LRRC8B: variants seen among roughly 807,000 people sequenced by gnomAD.
The protein encoded by LRRC8B is leucine rich repeat containing 8 VRAC subunit B.
In LRRC8B, 23 loss-of-function variants were observed where a neutral mutation model predicts 58.8. That is an observed-to-expected ratio of 0.39 (90% confidence interval 0.28 to 0.55). The LOEUF (loss-of-function observed/expected upper bound fraction) is 0.55, where lower values mean the gene tolerates loss of function less well. Ranked by LOEUF, LRRC8B falls within the 20% of genes least tolerant of loss-of-function variation. The probability of loss-of-function intolerance (pLI) is 0.62; values close to 1 mark genes in which losing one functional copy is unlikely to be tolerated. For missense variants in LRRC8B, 694 were observed against 936.0 expected (o/e 0.74, Z 3.37); for synonymous variants, 359 against 374.1 (o/e 0.96, Z 0.47).
At chr1:89,581,345 C>G (rs1361049798) in intron 4 of LRRC8B, among the ~76,000 whole-genome samples, 5 of 149,908 alleles carry the variant, frequency 3.3e-5, no homozygotes, top group Admixed American at 3.3e-4. Flanking sequence ...GAGAGTAACT[C>G]TGGCCCAGAA....
At chr1:89,551,309 T>C (rs193031480) in intron 1 of LRRC8B, among the ~76,000 whole-genome samples, 187 of 152,332 alleles carry the variant, frequency 1.2e-3, no homozygotes, top group Non-Finnish European at 2.1e-3. Context: ...GATCAAGCTC[T>C]TGCTCACCAG....
At chr1:89,534,986 C>T (rs1376005096) in intron 1 of LRRC8B, among the ~76,000 whole-genome samples, 1 of 151,870 alleles carries the variant, frequency 6.6e-6, no homozygotes, top group African/African-American at 2.4e-5. Flanking sequence ...CTGCTTGGGG[C>T]CTGGAGATTT....
intron 1 of LRRC8B, among the ~76,000 whole-genome samples, chr1:89,564,434 G>A (rs1652894872): frequency 6.6e-6 from 1 of 152,192 alleles, no homozygotes; most frequent in Non-Finnish European, 1.5e-5. Context: ...GCTCCTTGGA[G>A]AGGCTGTGTA....
At chr1:89,569,110 G>T (rs1653244234) in intron 3 of LRRC8B, among the ~76,000 whole-genome samples, 3 of 152,140 alleles carry the variant, frequency 2.0e-5, no homozygotes, top group South Asian at 2.1e-4. Flanking sequence ...ACTCTCTGAT[G>T]TTCTGAATAC....
intron 5 of LRRC8B, among the ~76,000 whole-genome samples, chr1:89,587,629 GT>G (rs1422240685): frequency 1.3e-5 from 2 of 152,216 alleles, no homozygotes; most frequent in African/African-American, 4.8e-5. Flanking sequence ...TGGAACGGCA[GT>G]TAATAAAGAT....
In LRRC8B at chr1:89,580,364, C is replaced by T. The variant is rs184022804; in HGVS notation, c.-27+676C>T. ...CTGCAGCTCCTTTATCTGGGTTTAC[C>T]TATTAATATGGCCAGATGTTATAAT... On this transcript the variant is annotated intron_variant, in intron 4 of 5. Coordinates refer to ENST00000330947, the MANE Select transcript of LRRC8B (RefSeq NM_001369817.2). Among the ~76,000 whole-genome samples the T allele has an allele frequency of 3.2e-4, 49 of 152,286 alleles. No individual in the cohort carries two copies. The East Asian group carries it at 8.3e-3, about 26-fold the overall frequency.
intron 3 of LRRC8B, among the ~76,000 whole-genome samples, chr1:89,575,484 G>A (rs1215990620): frequency 6.6e-6 from 1 of 152,140 alleles, no homozygotes; most frequent in Non-Finnish European, 1.5e-5. Flanking sequence ...CATCTGGAAG[G>A]TGTGCCAGCC....
chr1:89,538,265 G>C (rs192380267), intron 1 of LRRC8B, among the ~76,000 whole-genome samples: 1 of 152,274 alleles, frequency 6.6e-6, no homozygotes, highest in East Asian at 1.9e-4. Flanking sequence ...CTGGTGGCAG[G>C]AGAGAAAAAA....
chr1:89,546,441 C>T lies in LRRC8B; in HGVS notation c.-241+21419C>T, dbSNP rs575207378. On this transcript the variant is annotated intron_variant, in intron 1 of 5. Transcript: ENST00000330947. ...AGAGGACTTTTTGCGAACCAAGTTT[C>T]AATGGTGGGATATATCAAGCACGGA... Among the ~76,000 whole-genome samples the T allele has an allele frequency of 5.3e-5, 8 of 152,268 alleles. No individual in the cohort carries two copies. The East Asian group carries it at 1.5e-3, about 29-fold the overall frequency.
chr1:89,577,450 C>T (rs891011101), intron 3 of LRRC8B, among the ~76,000 whole-genome samples: 4 of 152,152 alleles, frequency 2.6e-5, no homozygotes, highest in Non-Finnish European at 5.9e-5. Context: ...ATCCATTACT[C>T]TTAACATTTC....
intron 5 of LRRC8B, among the ~76,000 whole-genome samples, chr1:89,588,298 A>T (rs1378829961): frequency 6.6e-6 from 1 of 152,224 alleles, no homozygotes; most frequent in Non-Finnish European, 1.5e-5. Context: ...TCTTTTGATC[A>T]TATTTTTGCT....
At chr1:89,556,560 T>C (rs1652207115) in intron 1 of LRRC8B, among the ~76,000 whole-genome samples, 1 of 152,164 alleles carries the variant, frequency 6.6e-6, no homozygotes, top group African/African-American at 2.4e-5. Context: ...TGGAGTCTGA[T>C]GCTAACTCTG....
intron 1 of LRRC8B, among the ~76,000 whole-genome samples, chr1:89,560,956 C>T (rs1415876021): frequency 4.1e-4 from 62 of 151,594 alleles, no homozygotes; most frequent in African/African-American, 1.3e-3. Flanking sequence ...CCTGAGGAAT[C>T]GCCACACTGA....
rs767760227 is a variant in LRRC8B at position 89,583,007 on chromosome 1, G to A, written c.357G>A (p.Lys119=). Residue 119 remains lysine, a synonymous_variant, in exon 5 of 6, where the codon AAG becomes AAA. Coordinates refer to ENST00000330947, the MANE Select transcript of LRRC8B (RefSeq NM_001369817.2). This position sits in a 1 kb window ranked among gnomAD's most constrained non-coding sequence, Gnocchi z 5.2. ...AGAAACAGCTCCATTGGTTTGCAAA[G>A]TTTTTCCCCTATCTGGTGCTCTTGC... The part of the protein sequence containing the change: ...CYEKQLHWFA[K]FFPYLVLLHT... The A allele has an allele frequency of 3.7e-6, 6 of 1,614,038 alleles. No individual in the cohort carries two copies. Among genetic ancestry groups the A allele is most frequent in the Admixed American group, 3.3e-5 (2 of 60,008 alleles).
At chr1:89,530,982 A>G (rs1020793179) in intron 1 of LRRC8B, among the ~76,000 whole-genome samples, 1 of 152,062 alleles carries the variant, frequency 6.6e-6, no homozygotes, top group Admixed American at 6.5e-5. Flanking sequence ...TCTTCCACGT[A>G]TTGTGGTATT....
chr1:89,557,161 A>G (rs1387742083), intron 1 of LRRC8B, among the ~76,000 whole-genome samples: 3 of 152,212 alleles, frequency 2.0e-5, no homozygotes, highest in African/African-American at 7.2e-5. Context: ...AATGAGTGAC[A>G]TTCTATGTTT....
intron 5 of LRRC8B, among the ~76,000 whole-genome samples, chr1:89,586,637 CAGGCACATGCTTTCTTGAATAAG>C (rs1431192430): frequency 5.9e-5 from 9 of 152,288 alleles, no homozygotes; most frequent in African/African-American, 1.7e-4. Context: ...GTGTGAATAT[CAGGCACATGCTTTCTTGAATAAG>C]AAAGAATACT....
At chr1:89,568,052 C>T (rs532054241) in intron 1 of LRRC8B, among the ~76,000 whole-genome samples, 195 bp from the exon 2 acceptor site, 50 of 152,240 alleles carry the variant, frequency 3.3e-4, no homozygotes, top group African/African-American at 8.2e-4. Flanking sequence ...AAGTCTTTCA[C>T]GTTTCCCCTA....
intron 1 of LRRC8B, among the ~76,000 whole-genome samples, chr1:89,552,443 A>G (rs1651892949): frequency 6.6e-6 from 1 of 152,186 alleles, no homozygotes; most frequent in Admixed American, 6.6e-5. Flanking sequence ...ATCCTTAGAC[A>G]ATAAGAATAA....
Sources: gnomAD v4.1 joint callset for allele counts (sites outside exome capture counted in the v4.1 genomes callset) on GRCh38, gnomAD v4.1.1 for gene constraint, Gnocchi (gnomAD v3.1) non-coding constraint, MANE v1.5 for transcripts, NCBI Gene and HGNC (gene_info 2026-07-23, HGNC 2026-07-21) for gene names.